Variants in PEPD observed in about 807,000 individuals in gnomAD.
PEPD encodes xaa-Pro dipeptidase.
PEPD carries 53 observed loss-of-function variants against 60.7 expected under a neutral mutation model. The ratio of observed to expected loss-of-function variants is 0.87; its 90% CI spans 0.70 to 1.10. The LOEUF (loss-of-function observed/expected upper bound fraction) is 1.10, where lower values mean the gene tolerates loss of function less well. PEPD is among the 50% of genes least tolerant of loss of function. The pLI is 0.00. For missense variants in PEPD, 711 were observed against 711.9 expected, an observed-to-expected ratio of 1.00 and a Z score of 0.01; for synonymous variants, 267 against 284.1, an observed-to-expected ratio of 0.94 and a Z score of 0.60.
At chr19:33,424,658 A>G (rs1413749325) in intron 9 of PEPD, among the ~76,000 whole-genome samples, 1 of 152,174 alleles carries the variant, frequency 6.6e-6, no homozygotes, top group Non-Finnish European at 1.5e-5. Flanking sequence ...TGGACAATCT[A>G]GTGAGACCCG....
At chr19:33,499,960 G>C (rs1218035156) in intron 4 of PEPD, among the ~76,000 whole-genome samples, 1 of 152,228 alleles carries the variant, frequency 6.6e-6, no homozygotes, top group Non-Finnish European at 1.5e-5. Flanking sequence ...TCTTCAACCA[G>C]GCTGTGTCCT....
In PEPD at chr19:33,415,533, A is replaced by G. The variant is rs193294564; in HGVS notation, c.672-1890T>C. The stretch of plus-strand genomic sequence containing the variant: ...AAAAAATCAATCAATCAATCAATAC[A>G]AGAAAAAAACATCAGAAAGGGGAGG... On this transcript the variant is annotated intron_variant, in intron 9 of 14. Coordinates refer to ENST00000244137, the MANE Select transcript of PEPD (RefSeq NM_000285.4). Among the ~76,000 whole-genome samples the G allele has an allele frequency of 5.8e-4, 88 of 152,256 alleles. 2 individuals are homozygous for G. The highest frequency in any genetic ancestry group is 5.6e-3 in the Admixed American group (86 of 15,296).
In PEPD at chr19:33,397,306, G is replaced by A. The variant is rs539855885; in HGVS notation, c.967+4415C>T. On this transcript the variant is annotated intron_variant, in intron 12 of 14. Coordinates refer to ENST00000244137, the MANE Select transcript of PEPD (RefSeq NM_000285.4). Reference sequence around the variant, plus strand: ...CCTCTCCTTTGGGCTTAGCTATGGGGTTTCCTGCTTTATTTACTCTCCCTG... The same window carrying A: ...CCTCTCCTTTGGGCTTAGCTATGGGATTTCCTGCTTTATTTACTCTCCCTG... 3.3e-5 allele frequency among the ~76,000 whole-genome samples: 5 copies of A among 152,146 alleles called. No individual in the cohort carries two copies. The South Asian group carries it at 1.0e-3, about 32-fold the overall frequency.
intron 9 of PEPD, among the ~76,000 whole-genome samples, chr19:33,425,365 C>T (rs17833923): frequency 0.098 from 14,978 of 152,130 alleles, 756 homozygotes; most frequent in Middle Eastern, 0.14. Context: ...TTCAACACAA[C>T]CCAGAGGCCA....
rs552189814 is a variant in PEPD at position 33,422,559 on chromosome 19, CATCA to C, written c.672-8920_672-8917del. 5.8e-3 allele frequency among the ~76,000 whole-genome samples: 881 copies of C among 151,902 alleles called. 20 individuals are homozygous for C. Among genetic ancestry groups the C allele is most frequent in the Admixed American group, 0.05 (757 of 15,254 alleles). On this transcript the variant is annotated intron_variant, in intron 9 of 14. Coordinates refer to ENST00000244137, the MANE Select transcript of PEPD (RefSeq NM_000285.4). ...TCATCCATCTACCCATCCATCCATC[CATCA>C]CTCTATATCTACCTATCTACCTAAG...
At chr19:33,393,033 G>T (rs1233757849) in intron 12 of PEPD, among the ~76,000 whole-genome samples, 1 of 152,138 alleles carries the variant, frequency 6.6e-6, no homozygotes, top group African/African-American at 2.4e-5. Context: ...AGCCACGGCA[G>T]CAGCCTAAGG....
Position 33,387,304 on chromosome 19 carries a change from A to T in PEPD, c.*40T>A, listed in dbSNP as rs375067721. On this transcript the variant is annotated 3_prime_UTR_variant, in exon 15 of 15. Coordinates refer to ENST00000244137, the MANE Select transcript of PEPD (RefSeq NM_000285.4). Reference sequence around the variant, plus strand: ...GCTGCCCATCACGAAAAGAGGTTGCAAGGCCAGGCCCCCAGGTGCGCTGGG... The same window carrying T: ...GCTGCCCATCACGAAAAGAGGTTGCTAGGCCAGGCCCCCAGGTGCGCTGGG... 308 of 1,611,578 alleles carry T rather than the reference A, an allele frequency of 1.9e-4. 1 individual carries two copies. In the African/African-American group the frequency reaches 3.7e-3, roughly 19 times the overall value.
At chr19:33,462,962 T>G in intron 9 of PEPD, 33 bp downstream of exon 9, 1 of 1,465,984 alleles carries the variant, frequency 6.8e-7, no homozygotes, top group Non-Finnish European at 9.6e-7. Context: ...TTTTTTACCT[T>G]TTAATTTTAC....
intron 12 of PEPD, among the ~76,000 whole-genome samples, chr19:33,397,273 C>T (rs1968387613): frequency 6.6e-6 from 1 of 152,208 alleles, no homozygotes; most frequent in South Asian, 2.1e-4. Flanking sequence ...CCTGACCATT[C>T]TTTCCTGCCT....
intron 1 of PEPD, among the ~76,000 whole-genome samples, chr19:33,516,107 G>A (rs1971017970): frequency 6.6e-6 from 1 of 151,996 alleles, no homozygotes; most frequent in Non-Finnish European, 1.5e-5. Context: ...CACGAGGCAA[G>A]GCAATATGCT....
At chr19:33,460,781 C>A (rs1969911233) in intron 9 of PEPD, among the ~76,000 whole-genome samples, 1 of 152,210 alleles carries the variant, frequency 6.6e-6, no homozygotes, top group Non-Finnish European at 1.5e-5. Context: ...TGGCTGAGAG[C>A]TTCCCGGTGC....
chr19:33,483,649 A>C (rs1458221707), intron 6 of PEPD, among the ~76,000 whole-genome samples: 9 of 152,132 alleles, frequency 5.9e-5, no homozygotes, highest in Admixed American at 5.9e-4. Context: ...GTCTCTACAA[A>C]AAATTTAAAA....
intron 3 of PEPD, among the ~76,000 whole-genome samples, chr19:33,502,791 C>T (rs563193913): frequency 2.0e-5 from 3 of 152,258 alleles, no homozygotes; most frequent in Admixed American, 1.3e-4. Context: ...TCTGCTCAGC[C>T]GGCTCCCACA....
chr19:33,406,399 C>T (rs1475410334), intron 11 of PEPD, among the ~76,000 whole-genome samples: 1 of 152,212 alleles, frequency 6.6e-6, no homozygotes, highest in East Asian at 1.9e-4. Flanking sequence ...GAGCACGCTC[C>T]TAACTGGGAT....
At chr19:33,501,832 T>C (rs1196927259) in intron 3 of PEPD, among the ~76,000 whole-genome samples, 16 of 152,140 alleles carry the variant, frequency 1.1e-4, no homozygotes, top group Admixed American at 1.0e-3. Flanking sequence ...CCTCCCGAAG[T>C]GCTGGGATTA....
chr19:33,409,328 G>A (rs913337340), intron 11 of PEPD, among the ~76,000 whole-genome samples: 1 of 152,230 alleles, frequency 6.6e-6, no homozygotes, highest in African/African-American at 2.4e-5. Context: ...CCCATGTCCT[G>A]TCCTCCAGGC....
intron 9 of PEPD, 123 bp downstream of exon 9, chr19:33,462,872 C>G: frequency 1.3e-6 from 1 of 776,656 alleles, no homozygotes; most frequent in Non-Finnish European, 2.4e-6. Flanking sequence ...ATCCTGAAGC[C>G]CTGTTCATAA....
intron 9 of PEPD, among the ~76,000 whole-genome samples, chr19:33,459,382 C>A (rs1486651801): frequency 6.6e-6 from 1 of 152,166 alleles, no homozygotes; most frequent in Non-Finnish European, 1.5e-5. Flanking sequence ...GCTTACACAG[C>A]CAATGGAGCA....
At chr19:33,445,635 G>T (rs1969579095) in intron 9 of PEPD, among the ~76,000 whole-genome samples, 1 of 152,224 alleles carries the variant, frequency 6.6e-6, no homozygotes. Flanking sequence ...CCACCAGAAG[G>T]GTGAGAAAAC....
Sources: gnomAD v4.1 joint callset for allele counts (sites outside exome capture counted in the v4.1 genomes callset) on GRCh38, gnomAD v4.1.1 for gene constraint, MANE v1.5 for transcripts, NCBI Gene and HGNC (gene_info 2026-07-23, HGNC 2026-07-21) for gene names.